Variants in MSRA observed in about 807,000 individuals in gnomAD.
MSRA encodes methionine sulfoxide reductase A.
Under a neutral mutation model 31.3 loss-of-function variants are expected in MSRA, and 54 were observed. The ratio of observed to expected loss-of-function variants is 1.73; its 90% confidence interval spans 1.39 to 2.17. The LOEUF (loss-of-function observed/expected upper bound fraction) is 2.17, where lower values mean the gene tolerates loss of function less well. Ranked by LOEUF, MSRA falls within the 30% of genes most tolerant of loss-of-function variation. MSRA has a pLI of 0.00. For synonymous variants in MSRA, 169 were observed against 116.5 expected (o/e 1.45, Z -2.90); for missense variants, 507 against 300.9 (o/e 1.69, Z -5.07).
chr8:10,132,696 C>A (rs1249804367), intron 1 of MSRA, among the ~76,000 whole-genome samples: 3 of 152,202 alleles, frequency 2.0e-5, no homozygotes, highest in African/African-American at 7.2e-5. Context: ...CAATGACAGT[C>A]CTGTGAGACA....
rs368172141 is a variant in MSRA at position 10,126,230 on chromosome 8, A to T, written c.142+71572A>T. Among the ~76,000 whole-genome samples, 27 of 152,378 alleles carry T rather than the reference A, an allele frequency of 1.8e-4. No individual in the cohort carries two copies. The South Asian group carries it at 5.4e-3, about 30-fold the overall frequency. ...TTGAAGCCAGACAACGTGAAAGAAGATGATGGGCAAAATGGATGGTTTTAG... is the reference window on the plus strand; with the variant it reads ...TTGAAGCCAGACAACGTGAAAGAAGTTGATGGGCAAAATGGATGGTTTTAG... On this transcript the variant is annotated intron_variant, in intron 1 of 5. Coordinates refer to ENST00000317173, the MANE Select transcript of MSRA (RefSeq NM_012331.5).
At chr8:10,088,588 A>G (rs904156327) in intron 1 of MSRA, among the ~76,000 whole-genome samples, 2 of 152,154 alleles carry the variant, frequency 1.3e-5, no homozygotes, top group African/African-American at 2.4e-5. Context: ...TACAAAAATT[A>G]GCTGAGTGTG....
At chr8:10,367,117 C>T (rs62490345) in intron 5 of MSRA, among the ~76,000 whole-genome samples, 1 of 152,090 alleles carries the variant, frequency 6.6e-6, no homozygotes. Context: ...ACACACTGTC[C>T]CACTCCATCT....
intron 2 of MSRA, among the ~76,000 whole-genome samples, chr8:10,240,573 T>A (rs1456795872): frequency 6.6e-6 from 1 of 152,160 alleles, no homozygotes; most frequent in East Asian, 1.9e-4. Flanking sequence ...CCTATGTCTC[T>A]CTACCCCAGA....
At position 10,224,955 on chromosome 8, in the gene MSRA, A is replaced by G. The variant is rs1046929103; in HGVS notation, c.211+17054A>G. 2.6e-4 allele frequency among the ~76,000 whole-genome samples: 39 copies of G among 152,184 alleles called. 1 individual carries two copies. The highest frequency in any genetic ancestry group is 5.9e-5 in the Non-Finnish European group (4 of 68,034). On this transcript the variant is annotated intron_variant, in intron 2 of 5. Transcript: ENST00000317173. ...GGAGTTCAAGACCAGCCTGGCCAGC[A>G]TGGCAAAACCCATCTCTACTATAAA...
At chr8:10,379,879 C>T (rs1313912259) in intron 5 of MSRA, among the ~76,000 whole-genome samples, 1 of 152,146 alleles carries the variant, frequency 6.6e-6, no homozygotes, top group Non-Finnish European at 1.5e-5. Context: ...AAACTATGTT[C>T]ATCATTATTG....
At chr8:10,400,308 A>C (rs1038004952) in intron 5 of MSRA, among the ~76,000 whole-genome samples, 1 of 151,826 alleles carries the variant, frequency 6.6e-6, no homozygotes, top group Non-Finnish European at 1.5e-5. Context: ...CAAGAAAAAA[A>C]TAAATCAGAG....
At chr8:10,356,342 T>C in intron 5 of MSRA, among the ~76,000 whole-genome samples, 1 of 152,240 alleles carries the variant, frequency 6.6e-6, no homozygotes, top group East Asian at 1.9e-4. Flanking sequence ...TGTGGCTTTG[T>C]GATTTTATGT....
intron 5 of MSRA, among the ~76,000 whole-genome samples, chr8:10,328,107 C>T (rs1303787119): frequency 7.3e-6 from 1 of 136,212 alleles, no homozygotes; most frequent in Non-Finnish European, 1.5e-5. Flanking sequence ...TCTAGAACTA[C>T]CCTCTGGACT....
chr8:10,121,246 C>T (rs1305266296), intron 1 of MSRA, among the ~76,000 whole-genome samples: 1 of 152,090 alleles, frequency 6.6e-6, no homozygotes, highest in African/African-American at 2.4e-5. Context: ...GGGTGGGAGC[C>T]TGAGGACCGT....
Position 10,074,243 on chromosome 8 carries a change from C to T in MSRA, c.142+19585C>T, listed in dbSNP as rs1385073341. On this transcript the variant is annotated intron_variant, in intron 1 of 5. Coordinates refer to ENST00000317173, the MANE Select transcript of MSRA (RefSeq NM_012331.5). Reference sequence around the variant, plus strand: ...GACTACATGCACCCGCCACCATGCCCAGCTAATTTTTTGTATTTTTAGTAG... The same window carrying T: ...GACTACATGCACCCGCCACCATGCCTAGCTAATTTTTTGTATTTTTAGTAG... Among the ~76,000 whole-genome samples the T allele has an allele frequency of 2.0e-5, 3 of 151,570 alleles. No individual in the cohort carries two copies. In the East Asian group the frequency reaches 5.8e-4, roughly 29 times the overall value.
chr8:10,395,633 C>G (rs1027864512), intron 5 of MSRA, among the ~76,000 whole-genome samples: 6 of 152,122 alleles, frequency 3.9e-5, no homozygotes, highest in Non-Finnish European at 2.9e-5. Context: ...GCTTGGCATG[C>G]GAACAGTTTT....
chr8:10,207,607 G>A (rs754821202), intron 1 of MSRA, among the ~76,000 whole-genome samples: 1 of 152,158 alleles, frequency 6.6e-6, no homozygotes, highest in African/African-American at 2.4e-5. Flanking sequence ...CACAAGCTCA[G>A]ACCTCAGCCT....
At chr8:10,074,840 C>G (rs1256064037) in intron 1 of MSRA, among the ~76,000 whole-genome samples, 1 of 151,760 alleles carries the variant, frequency 6.6e-6, no homozygotes, top group Non-Finnish European at 1.5e-5. Flanking sequence ...TAGAGATTAC[C>G]CAGAGACGGG....
intron 1 of MSRA, among the ~76,000 whole-genome samples, chr8:10,190,448 A>G (rs919045301): frequency 6.6e-6 from 1 of 152,114 alleles, no homozygotes; most frequent in African/African-American, 2.4e-5. Context: ...CTAGTTCCTG[A>G]CAATCTGCAA....
At chr8:10,288,515 T>G (rs1320820624) in intron 3 of MSRA, among the ~76,000 whole-genome samples, 3 of 152,192 alleles carry the variant, frequency 2.0e-5, no homozygotes, top group African/African-American at 7.2e-5. Context: ...GGCATGCTTT[T>G]AAGATAAAGC....
chr8:10,122,438 T>A (rs578013749), intron 1 of MSRA, among the ~76,000 whole-genome samples: 1 of 152,118 alleles, frequency 6.6e-6, no homozygotes, highest in East Asian at 1.9e-4. Context: ...AACAAAACTG[T>A]GATGTAAATG....
At chr8:10,274,834 C>G (rs1030568714) in intron 3 of MSRA, among the ~76,000 whole-genome samples, 1 of 152,072 alleles carries the variant, frequency 6.6e-6, no homozygotes, top group South Asian at 2.1e-4. Context: ...CACCCACTCA[C>G]CTGTTCAACC....
intron 1 of MSRA, among the ~76,000 whole-genome samples, chr8:10,072,055 G>A (rs558445659): frequency 8.4e-6 from 1 of 119,284 alleles, no homozygotes; most frequent in Non-Finnish European, 1.8e-5. Context: ...TGTTTCCTGG[G>A]TGGGGAACAG....
Sources: allele counts gnomAD v4.1 joint callset (sites outside exome capture counted in the v4.1 genomes callset), GRCh38; gene constraint gnomAD v4.1.1; transcripts MANE v1.5; gene names NCBI Gene and HGNC (gene_info 2026-07-23, HGNC 2026-07-21).